Variants in RARB observed in about 807,000 individuals in gnomAD.
RARB encodes the protein retinoic acid receptor beta.
A neutral mutation model predicts 51.9 loss-of-function variants in RARB; 17 were observed. The observed-to-expected ratio is 0.33, with a 90% CI of 0.22 to 0.49. The LOEUF is 0.49. RARB is among the 20% of genes least tolerant of loss of function. The pLI is 0.99. For synonymous variants in RARB, 215 were observed against 195.4 expected (o/e 1.10, Z -0.84); for missense variants, 369 against 550.8 (o/e 0.67, Z 3.30).
At chr3:25,320,909 T>C (rs951426231) in intron 5 of RARB, among the ~76,000 whole-genome samples, 1 of 152,226 alleles carries the variant, frequency 6.6e-6, no homozygotes, top group African/African-American at 2.4e-5. Flanking sequence ...CTTTGATTTA[T>C]GGAACAGAGG....
At chr3:25,149,454 G>C (rs1700247091) in intron 4 of RARB, among the ~76,000 whole-genome samples, 1 of 152,230 alleles carries the variant, frequency 6.6e-6, no homozygotes, top group Non-Finnish European at 1.5e-5. Flanking sequence ...TTGTGGGTGA[G>C]TGACTTCTCC....
chr3:25,237,000 C>A (rs1016640455), intron 5 of RARB, among the ~76,000 whole-genome samples: 5 of 132,414 alleles, frequency 3.8e-5, no homozygotes, highest in South Asian at 2.7e-4. Context: ...GTTGGTCTTC[C>A]AGAACTGAGT....
chr3:25,501,155 T>A, intron 2 of RARB, 27 bp from the exon 3 acceptor site: 2 of 1,558,786 alleles, frequency 1.3e-6, no homozygotes, highest in South Asian at 2.4e-5. Context: ...CTTTACTGAG[T>A]TTTTTCATCT....
intron 3 of RARB, among the ~76,000 whole-genome samples, chr3:25,516,631 C>CT (rs559135603): frequency 0.019 from 2,549 of 131,600 alleles, 66 homozygotes; most frequent in South Asian, 0.058. Flanking sequence ...ATTTCCTTGT[C>CT]TTTTTTTTTT....
At chr3:24,943,573 G>C (rs764458475) in intron 2 of RARB, among the ~76,000 whole-genome samples, 7 of 152,194 alleles carry the variant, frequency 4.6e-5, no homozygotes, top group Non-Finnish European at 7.3e-5. Context: ...GCTTGAGTTA[G>C]TGCTAGCAGA....
chr3:25,365,331 CA>C (rs1216765004), intron 5 of RARB, among the ~76,000 whole-genome samples: 1 of 147,116 alleles, frequency 6.8e-6, no homozygotes, highest in Non-Finnish European at 1.5e-5. Context: ...AGATTGGACT[CA>C]AATTCCTGGG....
intron 5 of RARB, among the ~76,000 whole-genome samples, chr3:25,349,460 A>G (rs921444115): frequency 6.6e-6 from 1 of 152,194 alleles, no homozygotes; most frequent in East Asian, 1.9e-4. Flanking sequence ...TCCTACTTAC[A>G]GAATTATGGC....
At chr3:24,920,540 A>C (rs1695196454) in intron 2 of RARB, among the ~76,000 whole-genome samples, 1 of 151,916 alleles carries the variant, frequency 6.6e-6, no homozygotes. Context: ...TAAATAATCA[A>C]CTCTAATTCT....
At chr3:25,241,680 T>A (rs9872973) in intron 5 of RARB, among the ~76,000 whole-genome samples, 64,020 of 152,010 alleles carry the variant, frequency 0.42, 15,139 homozygotes, top group African/African-American at 0.64. Flanking sequence ...ATTCCATGGT[T>A]TATATGTGCC....
At chr3:25,131,391 T>C (rs979764336) in intron 3 of RARB, among the ~76,000 whole-genome samples, 1 of 152,040 alleles carries the variant, frequency 6.6e-6, no homozygotes, top group South Asian at 2.1e-4. Flanking sequence ...CTTTGGAAAA[T>C]AGTCTTGGCA....
intron 1 of RARB, among the ~76,000 whole-genome samples, chr3:25,447,246 A>T (rs935857741): frequency 1.4e-4 from 22 of 151,808 alleles, no homozygotes; most frequent in African/African-American, 5.1e-4. Flanking sequence ...ACCAACACTG[A>T]TTGAACTTTT....
intron 5 of RARB, among the ~76,000 whole-genome samples, chr3:25,329,181 C>G (rs546308642): frequency 6.6e-6 from 1 of 152,332 alleles, no homozygotes; most frequent in East Asian, 1.9e-4. Flanking sequence ...AGTAGTGGTT[C>G]TCCCAGCACG....
chr3:25,398,550 A>G (rs4681058), intron 5 of RARB, among the ~76,000 whole-genome samples: 36,395 of 152,054 alleles, frequency 0.24, 4,622 homozygotes, highest in Admixed American at 0.35. Flanking sequence ...CATATTTCCA[A>G]TGGGAGAGAT....
intron 5 of RARB, among the ~76,000 whole-genome samples, chr3:25,396,053 C>A (rs771089555): frequency 6.6e-6 from 1 of 152,192 alleles, no homozygotes; most frequent in South Asian, 2.1e-4. Flanking sequence ...ACAGGGTGAT[C>A]CCTTGATGGG....
intron 5 of RARB, among the ~76,000 whole-genome samples, chr3:25,218,251 G>C (rs1352927393): frequency 6.6e-6 from 1 of 152,018 alleles, no homozygotes; most frequent in Non-Finnish European, 1.5e-5. Context: ...GGTTTTTCCT[G>C]GCACTGTTTC....
At chr3:24,839,238 A>T (rs1270538054) in intron 1 of RARB, among the ~76,000 whole-genome samples, 3 of 152,140 alleles carry the variant, frequency 2.0e-5, no homozygotes, top group African/African-American at 7.2e-5. Flanking sequence ...CATAGTAAAA[A>T]ATATAAACAA....
At chr3:25,162,834 T>C (rs1002304724) in intron 4 of RARB, among the ~76,000 whole-genome samples, 1 of 152,226 alleles carries the variant, frequency 6.6e-6, no homozygotes, top group East Asian at 1.9e-4. Context: ...AATGGACACT[T>C]GGATTGTTTT....
chr3:24,852,686 A>T (rs1702575248), intron 1 of RARB, among the ~76,000 whole-genome samples: 2 of 152,236 alleles, frequency 1.3e-5, no homozygotes, highest in South Asian at 4.1e-4. Flanking sequence ...TGAAGTACTG[A>T]TATGTGCTGC....
intron 1 of RARB, among the ~76,000 whole-genome samples, chr3:25,437,899 T>TA (rs1198269768): frequency 1.3e-5 from 2 of 152,226 alleles, no homozygotes; most frequent in Non-Finnish European, 2.9e-5. Flanking sequence ...ATTGGATTTT[T>TA]AAAAATCACT....
Sources: allele counts gnomAD v4.1 joint callset (sites outside exome capture counted in the v4.1 genomes callset), GRCh38; gene constraint gnomAD v4.1.1; transcripts MANE v1.5; gene names NCBI Gene and HGNC (gene_info 2026-07-23, HGNC 2026-07-21).